CNIH3: variants seen among roughly 807,000 people sequenced by gnomAD.
CNIH3 encodes protein cornichon homolog 3.
In CNIH3, 14 loss-of-function variants were observed where a neutral mutation model predicts 24.1. The observed-to-expected ratio is 0.58, with a 90% CI of 0.38 to 0.91. The LOEUF is 0.91. Ranked by LOEUF, CNIH3 falls within the 40% of genes least tolerant of loss-of-function variation. The probability of loss-of-function intolerance (pLI) is 0.00; values close to 1 mark genes in which losing one functional copy is unlikely to be tolerated. For synonymous variants in CNIH3, 68 were observed against 73.8 expected, an observed-to-expected ratio of 0.92 and a Z score of 0.40; for missense variants, 178 against 196.8, an observed-to-expected ratio of 0.90 and a Z score of 0.57.
intron 3 of CNIH3, among the ~76,000 whole-genome samples, chr1:224,712,164 C>T (rs140605721): frequency 6.6e-6 from 1 of 152,364 alleles, no homozygotes; most frequent in East Asian, 1.9e-4. Context: ...ATGACCATTT[C>T]AGCTGGGAAT....
intron 1 of CNIH3, among the ~76,000 whole-genome samples, chr1:224,627,963 C>G (rs1410495256): frequency 6.6e-6 from 1 of 152,194 alleles, no homozygotes; most frequent in Non-Finnish European, 1.5e-5. Context: ...GATACAGGCC[C>G]TGTTGCTGGT....
intron 1 of CNIH3, among the ~76,000 whole-genome samples, chr1:224,640,952 T>A (rs1309796413): frequency 6.6e-6 from 1 of 152,010 alleles, no homozygotes; most frequent in Admixed American, 6.6e-5. Flanking sequence ...AGTGTGGAGG[T>A]GATGTGTTTC....
At chr1:224,564,747 G>A (rs1158503073) in intron 3 of CNIH3, among the ~76,000 whole-genome samples, 1 of 152,248 alleles carries the variant, frequency 6.6e-6, no homozygotes, top group Non-Finnish European at 1.5e-5. Flanking sequence ...TCTGCCAGCT[G>A]CCTGGTTCAT....
chr1:224,514,422 TTTG>T (rs1344997773), upstream of CNIH3, among the ~76,000 whole-genome samples: 2 of 152,228 alleles, frequency 1.3e-5, no homozygotes, highest in African/African-American at 4.8e-5. Context: ...AGCTATATTA[TTTG>T]TTTAGTATTT....
chr1:224,504,296 A>G (rs531097238), intron 1 of CNIH3, among the ~76,000 whole-genome samples: 3 of 152,340 alleles, frequency 2.0e-5, no homozygotes, highest in Non-Finnish European at 4.4e-5. Context: ...TAAATTTCTC[A>G]GTAAATGTTA....
chr1:224,729,789 A>C (rs1361965101), intron 3 of CNIH3, among the ~76,000 whole-genome samples: 1 of 152,118 alleles, frequency 6.6e-6, no homozygotes, highest in Non-Finnish European at 1.5e-5. Context: ...GGGAGAGCTT[A>C]GTCTTCCTGC....
Position 224,530,591 on chromosome 1 carries a change from C to CT in CNIH3, n.344-6335dup, listed in dbSNP as rs776534828. Among the ~76,000 whole-genome samples, 211 of 149,414 alleles carry CT rather than the reference C, an allele frequency of 1.4e-3. 1 individual carries two copies. In the East Asian group the frequency reaches 0.025, roughly 18 times the overall value. ...AGCTGGAATTTTAAACCCTACATTTCTTTTTTTTTTCTTTTTTTCTTTTTT... is the reference window on the plus strand; with the variant it reads ...AGCTGGAATTTTAAACCCTACATTTCTTTTTTTTTTTCTTTTTTTCTTTTTT... On this transcript the variant is annotated intron_variant and non_coding_transcript_variant, in intron 2 of 2. Coordinates refer to the CNIH3 transcript ENST00000470602.
At chr1:224,536,947 G>A (rs1446080269) in exon 3 of CNIH3, 1 of 152,308 alleles carries the variant, frequency 6.6e-6, no homozygotes, top group East Asian at 1.9e-4. Flanking sequence ...ATTGTGGTGA[G>A]GAGCAAATGA....
intron 1 of CNIH3, among the ~76,000 whole-genome samples, chr1:224,497,528 G>A (rs761061329): frequency 2.0e-5 from 3 of 152,230 alleles, no homozygotes; most frequent in Non-Finnish European, 2.9e-5. Flanking sequence ...ATCAGGAGAA[G>A]TGATGTTTCC....
chr1:224,686,028 T>G (rs1340192410), intron 3 of CNIH3, among the ~76,000 whole-genome samples: 1 of 152,036 alleles, frequency 6.6e-6, no homozygotes, highest in East Asian at 1.9e-4. Context: ...TTTTAATACT[T>G]TAAGTTCTAG....
chr1:224,480,020 T>A (rs764793810), intron 1 of CNIH3, among the ~76,000 whole-genome samples: 1 of 152,186 alleles, frequency 6.6e-6, no homozygotes, highest in African/African-American at 2.4e-5. Flanking sequence ...AGTGGTTCTC[T>A]ATGAGGGCCC....
In CNIH3 at chr1:224,737,569, C is replaced by T. The variant is rs1246695964; in HGVS notation, c.456-1760C>T. 3.3e-5 allele frequency among the ~76,000 whole-genome samples: 5 copies of T among 151,872 alleles called. No individual in the cohort carries two copies. The East Asian group carries it at 7.8e-4, about 24-fold the overall frequency. On this transcript the variant is annotated intron_variant, in intron 5 of 5. Transcript: ENST00000272133. ...CCGGAGCTGGTGGAGAGCACAGCAG[C>T]GTCAGCGCAGGCCACCGTGGGAGGG...
intron 1 of CNIH3, among the ~76,000 whole-genome samples, chr1:224,675,026 G>C (rs1485190617): frequency 1.3e-5 from 2 of 152,140 alleles, no homozygotes; most frequent in Admixed American, 1.3e-4. Context: ...CCTCAGTTAT[G>C]CCTCTTGGGG....
chr1:224,694,720 A>G (rs1408132806), intron 3 of CNIH3, among the ~76,000 whole-genome samples: 2 of 152,256 alleles, frequency 1.3e-5, no homozygotes, highest in East Asian at 1.9e-4. Context: ...AAAATGTGGC[A>G]TGTATACACC....
chr1:224,627,855 T>C (rs1412258498), intron 1 of CNIH3, among the ~76,000 whole-genome samples: 8 of 152,130 alleles, frequency 5.3e-5, no homozygotes, highest in Non-Finnish European at 7.4e-5. Context: ...GCACTCCTGC[T>C]TGGGACACGG....
intron 2 of CNIH3, chr1:224,521,644 G>A (rs562365314): frequency 6.6e-6 from 1 of 152,240 alleles, no homozygotes; most frequent in African/African-American, 2.4e-5. Flanking sequence ...GAATTGTTGG[G>A]GGCTATTTTA....
At chr1:224,639,152 T>A (rs149058763) in intron 1 of CNIH3, among the ~76,000 whole-genome samples, 13 of 152,352 alleles carry the variant, frequency 8.5e-5, no homozygotes, top group African/African-American at 2.9e-4. Flanking sequence ...CCCAGGGTCA[T>A]GGGAGGCTCA....
chr1:224,598,186 C>T (rs1682066196), intron 3 of CNIH3, among the ~76,000 whole-genome samples: 1 of 152,188 alleles, frequency 6.6e-6, no homozygotes, highest in Admixed American at 6.5e-5. Context: ...GATTGCATCC[C>T]TCATGGATGA....
intron 1 of CNIH3, among the ~76,000 whole-genome samples, chr1:224,506,325 G>A (rs546143316): frequency 6.6e-6 from 1 of 151,866 alleles, no homozygotes; most frequent in Admixed American, 6.5e-5. Context: ...CTTTGTCCCA[G>A]AACCGTGGGA....
Sources: gnomAD v4.1 joint callset for allele counts (sites outside exome capture counted in the v4.1 genomes callset) on GRCh38, gnomAD v4.1.1 for gene constraint, MANE v1.5 for transcripts, NCBI Gene and HGNC (gene_info 2026-07-23, HGNC 2026-07-21) for gene names.